Variants in CCDC85A observed in about 807,000 individuals in gnomAD.
CCDC85A encodes coiled-coil domain-containing protein 85A.
Under a neutral mutation model 50.2 loss-of-function variants are expected in CCDC85A, and 38 were observed. The ratio of observed to expected loss-of-function variants is 0.76; its 90% CI spans 0.58 to 0.99. The LOEUF (loss-of-function observed/expected upper bound fraction) is 0.99, where lower values mean the gene tolerates loss of function less well. CCDC85A is among the 50% of genes least tolerant of loss of function. CCDC85A has a pLI of 0.00. For missense variants in CCDC85A, 820 were observed against 742.0 expected (o/e 1.11, Z -1.22); for synonymous variants, 366 against 301.4 (o/e 1.21, Z -2.22).
intron 2 of CCDC85A, among the ~76,000 whole-genome samples, chr2:56,226,153 T>C (rs1445790142): frequency 2.6e-5 from 4 of 152,204 alleles, no homozygotes; most frequent in Non-Finnish European, 5.9e-5. Context: ...CCAAGCTTTG[T>C]AGTCAAATGG....
At chr2:56,232,576 C>T (rs979980710) in intron 2 of CCDC85A, among the ~76,000 whole-genome samples, 8 of 152,170 alleles carry the variant, frequency 5.3e-5, no homozygotes, top group African/African-American at 1.9e-4. Flanking sequence ...CTCATTCTCT[C>T]TCCTTCCACC....
chr2:56,306,020 T>C (rs897228623), intron 2 of CCDC85A, among the ~76,000 whole-genome samples: 9 of 152,222 alleles, frequency 5.9e-5, no homozygotes, highest in Non-Finnish European at 1.3e-4. Flanking sequence ...TCATATTAAG[T>C]CTTGCTAAGT....
intron 2 of CCDC85A, among the ~76,000 whole-genome samples, chr2:56,297,451 T>C (rs1309297977): frequency 1.3e-5 from 2 of 151,996 alleles, no homozygotes; most frequent in Non-Finnish European, 2.9e-5. Flanking sequence ...ATTTTTTCTG[T>C]TTCCAGAGCA....
chr2:56,353,246 T>A (rs1344851634), intron 3 of CCDC85A, among the ~76,000 whole-genome samples: 1 of 152,218 alleles, frequency 6.6e-6, no homozygotes, highest in Non-Finnish European at 1.5e-5. Context: ...CACACGCTAG[T>A]CTAATCAGTG....
intron 2 of CCDC85A, among the ~76,000 whole-genome samples, chr2:56,264,859 C>G (rs541235089): frequency 6.6e-6 from 1 of 152,184 alleles, no homozygotes; most frequent in Non-Finnish European, 1.5e-5. Context: ...TTTAGTCACA[C>G]GAAGTAGGCC....
intron 2 of CCDC85A, among the ~76,000 whole-genome samples, chr2:56,304,948 A>AC (rs915364844): frequency 1.4e-3 from 198 of 144,562 alleles, no homozygotes; most frequent in African/African-American, 5.0e-3. Context: ...AAAAACAAAA[A>AC]AAAAAAAACC....
Position 56,372,401 on chromosome 2 carries a change from T to TG in CCDC85A, c.1380dup (p.Ser461ValfsTer28). 1 of 1,604,094 alleles carries TG rather than the reference T, an allele frequency of 6.2e-7. No homozygotes were observed. Among genetic ancestry groups the TG allele is most frequent in the Non-Finnish European group, 8.5e-7 (1 of 1,175,182 alleles). On this transcript the variant is annotated frameshift_variant, in exon 4 of 6. Coordinates refer to ENST00000407595, the MANE Select transcript of CCDC85A (RefSeq NM_001080433.2). LOFTEE classifies it high-confidence loss of function. ...AAACAGCTCAAATATGGAGAAAGGC[T>TG]GGGGGTCCAGAGCCCGGCGGGTCTT...
chr2:56,298,990 T>C (rs1672081214), intron 2 of CCDC85A, among the ~76,000 whole-genome samples: 1 of 152,180 alleles, frequency 6.6e-6, no homozygotes, highest in Non-Finnish European at 1.5e-5. Flanking sequence ...CATTACCATT[T>C]GGGACACACA....
intron 2 of CCDC85A, among the ~76,000 whole-genome samples, chr2:56,200,934 GT>G (rs553752902): frequency 0.039 from 5,694 of 146,842 alleles, 228 homozygotes; most frequent in African/African-American, 0.1. Flanking sequence ...ATATCCAATA[GT>G]TTTTTTTTTT....
In CCDC85A at chr2:56,184,682, C is replaced by T. The variant is rs35587531; in HGVS notation, c.58C>T (p.Pro20Ser). ...TGCGGCGGCGGCGGAAAGTTGTTCC[C>T]CAGCCCCGGCCGGCTCGTCCGCGGC... ...AAAAAAESCS[P>S]APAGSSAAPP... Residue 20 changes from proline to serine, a missense_variant, in exon 1 of 6, where the codon CCA becomes TCA. Transcript: ENST00000407595. The T allele has an allele frequency of 0.85, 1,280,908 of 1,509,644 alleles. 549,182 individuals carry two copies. The highest frequency in any genetic ancestry group is 0.89 in the East Asian group (32,323 of 36,506). The allele number at this position is 1,509,644 out of a possible 1,614,324, so 93.5% of individuals were successfully genotyped here. A position where few individuals can be genotyped will look rare whatever the true frequency, so the allele number is the denominator to read the frequency against.
At chr2:56,267,547 ATGGGATGAC>A (rs1670507669) in intron 2 of CCDC85A, among the ~76,000 whole-genome samples, 2 of 152,180 alleles carry the variant, frequency 1.3e-5, no homozygotes, top group Non-Finnish European at 2.9e-5. Context: ...CTGGGACCAG[ATGGGATGAC>A]TGTGGGGCGC....
At chr2:56,298,893 G>A (rs548101966) in intron 2 of CCDC85A, among the ~76,000 whole-genome samples, 2 of 152,254 alleles carry the variant, frequency 1.3e-5, no homozygotes, top group South Asian at 4.1e-4. Flanking sequence ...CTGGGAGGAG[G>A]CTGAGACACA....
chr2:56,350,752 CTTTT>C (rs373522130), intron 3 of CCDC85A, among the ~76,000 whole-genome samples: 1 of 129,050 alleles, frequency 7.7e-6, no homozygotes, highest in Non-Finnish European at 1.7e-5. Flanking sequence ...GAGACCTTTC[CTTTT>C]TTTTTTTTTT....
At chr2:56,366,788 G>A (rs1558661566) in intron 3 of CCDC85A, among the ~76,000 whole-genome samples, 2 of 152,166 alleles carry the variant, frequency 1.3e-5, no homozygotes, top group South Asian at 2.1e-4. Context: ...TCTGCCTGCC[G>A]AGGAGTCTGT....
At chr2:56,375,763 G>C in intron 4 of CCDC85A, 53 bp from the exon 5 acceptor site, 2 of 1,577,636 alleles carry the variant, frequency 1.3e-6, no homozygotes, top group Non-Finnish European at 1.7e-6. Flanking sequence ...TGACATCTTT[G>C]TAGTTATAAA....
chr2:56,253,412 A>T (rs1195517374), intron 2 of CCDC85A, among the ~76,000 whole-genome samples: 1 of 152,214 alleles, frequency 6.6e-6, no homozygotes, highest in African/African-American at 2.4e-5. Context: ...AGCAGGAAGC[A>T]TGTAAAGAAC....
chr2:56,358,366 C>A (rs1675341570), intron 3 of CCDC85A, among the ~76,000 whole-genome samples: 1 of 152,208 alleles, frequency 6.6e-6, no homozygotes, highest in African/African-American at 2.4e-5. Flanking sequence ...AGTTACTCAG[C>A]AAAGGACATT....
At chr2:56,343,972 G>T (rs76014516) in intron 3 of CCDC85A, among the ~76,000 whole-genome samples, 13,556 of 152,040 alleles carry the variant, frequency 0.089, 888 homozygotes, top group East Asian at 0.31. Flanking sequence ...GTGATGATTT[G>T]GGCTATCAGG....
At chr2:56,306,443 AAC>A (rs1672451475) in intron 2 of CCDC85A, among the ~76,000 whole-genome samples, 1 of 152,154 alleles carries the variant, frequency 6.6e-6, no homozygotes, top group African/African-American at 2.4e-5. Context: ...CTTTTTAAAC[AAC>A]AGTTATTTTT....
Sources: gnomAD v4.1 joint callset for allele counts (sites outside exome capture counted in the v4.1 genomes callset) on GRCh38, gnomAD v4.1.1 for gene constraint, MANE v1.5 for transcripts, NCBI Gene and HGNC (gene_info 2026-07-23, HGNC 2026-07-21) for gene names.